Variants in CNIH3 observed in about 807,000 individuals in gnomAD.
CNIH3 encodes protein cornichon homolog 3.
In CNIH3, 14 loss-of-function variants were observed where a neutral mutation model predicts 24.1. That is an observed-to-expected ratio of 0.58 (90% CI 0.38 to 0.91). The LOEUF (loss-of-function observed/expected upper bound fraction) is 0.91. Ranked by LOEUF, CNIH3 falls within the 40% of genes least tolerant of loss-of-function variation. CNIH3 has a pLI of 0.00. For missense variants in CNIH3, 178 were observed against 196.8 expected (o/e 0.90, Z 0.57); for synonymous variants, 68 against 73.8 (o/e 0.92, Z 0.40).
intron 3 of CNIH3, among the ~76,000 whole-genome samples, chr1:224,705,859 C>CTTTTTTTTT (rs869143802): frequency 1.2e-4 from 11 of 88,858 alleles, no homozygotes; most frequent in East Asian, 2.7e-4. Context: ...TCTTTTTTTT[C>CTTTTTTTTT]TTTTTTTTTT....
intron 1 of CNIH3, among the ~76,000 whole-genome samples, chr1:224,449,373 C>T (rs1675297025): frequency 1.3e-5 from 2 of 152,216 alleles, no homozygotes; most frequent in South Asian, 4.1e-4. Context: ...TGTCTCCTCT[C>T]TTCCATCTCC....
At chr1:224,488,073 G>C (rs1677096851) in intron 1 of CNIH3, among the ~76,000 whole-genome samples, 1 of 151,526 alleles carries the variant, frequency 6.6e-6, no homozygotes, top group Admixed American at 6.6e-5. Flanking sequence ...TATATAAGTT[G>C]ATACTAGTTG....
chr1:224,457,502 G>A (rs1228211158), intron 1 of CNIH3, among the ~76,000 whole-genome samples: 3 of 149,584 alleles, frequency 2.0e-5, no homozygotes, highest in Non-Finnish European at 4.4e-5. Flanking sequence ...GGGAATCTGT[G>A]GTCTGGGGAT....
intron 1 of CNIH3, among the ~76,000 whole-genome samples, chr1:224,629,168 G>A (rs1267938069): frequency 2.6e-5 from 4 of 151,850 alleles, no homozygotes; most frequent in African/African-American, 9.7e-5. Flanking sequence ...CACCATGCCT[G>A]GCTAATTTTT....
intron 3 of CNIH3, among the ~76,000 whole-genome samples, chr1:224,724,465 G>C (rs553938470): frequency 6.6e-5 from 10 of 152,340 alleles, no homozygotes; most frequent in African/African-American, 2.4e-4. Context: ...AGATGCTCAC[G>C]TGCATGATTA....
chr1:224,506,283 G>GCT (rs879719993), intron 1 of CNIH3, among the ~76,000 whole-genome samples: 1 of 77,934 alleles, frequency 1.3e-5, no homozygotes. Context: ...GCGCGCGCGC[G>GCT]CGCGCACACA....
At chr1:224,727,630 G>A (rs1160796899) in intron 3 of CNIH3, among the ~76,000 whole-genome samples, 2 of 152,134 alleles carry the variant, frequency 1.3e-5, no homozygotes, top group Non-Finnish European at 2.9e-5. Context: ...AATGGCTATG[G>A]TGCAGGCCTC....
At chr1:224,610,469 C>T (rs1353292939) in intron 3 of CNIH3, among the ~76,000 whole-genome samples, 1 of 152,214 alleles carries the variant, frequency 6.6e-6, no homozygotes, top group African/African-American at 2.4e-5. Context: ...CACTCTCTCT[C>T]TCTTTCTCTC....
At chr1:224,682,972 G>A (rs1686475064) in intron 2 of CNIH3, among the ~76,000 whole-genome samples, 1 of 152,126 alleles carries the variant, frequency 6.6e-6, no homozygotes, top group Non-Finnish European at 1.5e-5. Context: ...ATATTTTTGT[G>A]GAACCCTTTC....
chr1:224,607,978 T>C (rs191234128), intron 3 of CNIH3, among the ~76,000 whole-genome samples: 2 of 152,322 alleles, frequency 1.3e-5, no homozygotes, highest in African/African-American at 2.4e-5. Context: ...AGGGTTAACA[T>C]GTCCTGGTGT....
At chr1:224,585,195 T>G (rs531148795) in intron 5 of CNIH3, among the ~76,000 whole-genome samples, 1 of 152,216 alleles carries the variant, frequency 6.6e-6, no homozygotes. Context: ...TTGTTCATAA[T>G]GCCTTCCTTG....
chr1:224,455,252 A>G (rs1675599051), intron 1 of CNIH3, among the ~76,000 whole-genome samples: 1 of 152,220 alleles, frequency 6.6e-6, no homozygotes. Flanking sequence ...TTGCTTTCAC[A>G]CCATCATAAA....
chr1:224,537,526 T>A (rs1249778144), downstream of CNIH3: 1 of 152,178 alleles, frequency 6.6e-6, no homozygotes, highest in Non-Finnish European at 1.5e-5. Context: ...ACCAAACCAA[T>A]GTACGTCTTA....
At chr1:224,456,915 C>G (rs2102975522) in intron 1 of CNIH3, among the ~76,000 whole-genome samples, 1 of 152,310 alleles carries the variant, frequency 6.6e-6, no homozygotes, top group Non-Finnish European at 1.5e-5. Context: ...GCCTGGAGCC[C>G]TCCATGGTAT....
At chr1:224,581,282 G>A (rs1177950970) in intron 4 of CNIH3, among the ~76,000 whole-genome samples, 1 of 152,140 alleles carries the variant, frequency 6.6e-6, no homozygotes, top group Non-Finnish European at 1.5e-5. Context: ...TGGAGGCTGA[G>A]TGTGTTTAGT....
chr1:224,633,522 T>C (rs995301523), intron 1 of CNIH3, among the ~76,000 whole-genome samples: 4 of 152,230 alleles, frequency 2.6e-5, no homozygotes, highest in East Asian at 1.9e-4. Context: ...GGGAAGGGAA[T>C]TGGAGTACTC....
At chr1:224,475,729 A>T (rs1423523651) in intron 1 of CNIH3, among the ~76,000 whole-genome samples, 1 of 152,178 alleles carries the variant, frequency 6.6e-6, no homozygotes, top group South Asian at 2.1e-4. Flanking sequence ...TGTAAACCTA[A>T]TACTTGTAAA....
downstream of CNIH3, among the ~76,000 whole-genome samples, chr1:224,591,951 T>C (rs904506): frequency 0.15 from 23,295 of 152,154 alleles, 2,004 homozygotes; most frequent in East Asian, 0.21. Flanking sequence ...GCAATCAACA[T>C]AGATTATTAA....
At position 224,483,720 on chromosome 1, in the gene CNIH3, GC is replaced by G. The variant is rs141982490; in HGVS notation, n.204-32020del. On this transcript the variant is annotated intron_variant and non_coding_transcript_variant, in intron 1 of 5. Transcript: ENST00000471578. ...GCTGATTTTTGGTTCTTATGAAGGTGCTTTTTTGTGTAAATAGTTGTTAAAT... is the reference window on the plus strand; with the variant it reads ...GCTGATTTTTGGTTCTTATGAAGGTGTTTTTTGTGTAAATAGTTGTTAAAT... Among the ~76,000 whole-genome samples, 121 of 152,198 alleles carry G rather than the reference GC, an allele frequency of 8.0e-4. 1 individual carries two copies. The East Asian group carries it at 0.02, about 25-fold the overall frequency.
Sources: gnomAD v4.1 joint callset for allele counts (sites outside exome capture counted in the v4.1 genomes callset) on GRCh38, gnomAD v4.1.1 for gene constraint, MANE v1.5 for transcripts, NCBI Gene and HGNC (gene_info 2026-07-23, HGNC 2026-07-21) for gene names.